MCM9: variants seen among roughly 807,000 people sequenced by gnomAD.
The protein encoded by MCM9 is DNA helicase MCM9.
A neutral mutation model predicts 72.8 loss-of-function variants in MCM9; 55 were observed. The observed-to-expected ratio is 0.76, with a 90% confidence interval of 0.61 to 0.95. MCM9 has a LOEUF of 0.95. MCM9 is among the 40% of genes least tolerant of loss of function. MCM9 has a pLI of 0.00. For missense variants in MCM9, 1,279 were observed against 1,377.0 expected (o/e 0.93, Z 1.13); for synonymous variants, 480 against 503.4 (o/e 0.95, Z 0.62).
chr6:118,911,813 G>T, intron 7 of MCM9, 44 bp from the exon 8 acceptor site: 2 of 1,476,114 alleles, frequency 1.4e-6, no homozygotes, highest in Non-Finnish European at 1.9e-6. Context: ...TCTATAAAAG[G>T]GTCCATTTGG....
At chr6:118,862,340 C>T (rs533015889) in intron 8 of MCM9, among the ~76,000 whole-genome samples, 232 of 152,350 alleles carry the variant, frequency 1.5e-3, no homozygotes, top group Admixed American at 4.5e-3. Context: ...CCTGGCCACA[C>T]CTCCCACACT....
intron 5 of MCM9, 116 bp from the exon 6 acceptor site, chr6:118,917,877 A>G (rs2114318939): frequency 3.7e-6 from 3 of 808,158 alleles, no homozygotes; most frequent in South Asian, 3.4e-5. Context: ...AGTTTACAAT[A>G]TGTACACTCA....
At chr6:118,916,036 A>G (rs1583655782) in intron 6 of MCM9, among the ~76,000 whole-genome samples, 1 of 152,194 alleles carries the variant, frequency 6.6e-6, no homozygotes, top group South Asian at 2.1e-4. Context: ...AGAGTTACAA[A>G]TTTTTATAAG....
chr6:118,934,665 TGGAG>T, intron 1 of MCM9: 1 of 152,210 alleles, frequency 6.6e-6, no homozygotes, highest in Non-Finnish European at 1.5e-5. Context: ...CGCTCGGTTT[TGGAG>T]GCATGCTTTC....
chr6:118,845,218 G>A (rs1413366454), intron 9 of MCM9, among the ~76,000 whole-genome samples: 1 of 151,922 alleles, frequency 6.6e-6, no homozygotes, highest in East Asian at 1.9e-4. Context: ...AAGTACCTGA[G>A]TCATAATAAC....
At chr6:118,864,671 T>G (rs140211332) in intron 8 of MCM9, among the ~76,000 whole-genome samples, 1,663 of 152,304 alleles carry the variant, frequency 0.011, 8 homozygotes, top group Admixed American at 0.015. Context: ...CTTCTTCCTG[T>G]GGAGAAGAGG....
rs1554257163 is a variant in MCM9 at position 118,843,720 on chromosome 6, G to GTATATATATATGTGTA, written c.1325+12650_1325+12651insTACACATATATATATA. Among the ~76,000 whole-genome samples, 59 of 101,974 alleles carry GTATATATATATGTGTA rather than the reference G, an allele frequency of 5.8e-4. 1 individual carries two copies. The highest frequency in any genetic ancestry group is 2.5e-3 in the African/African-American group (55 of 22,442). The allele number at this position is 101,974 out of a possible 152,430, so 66.9% of individuals were successfully genotyped here. A position where few individuals can be genotyped will look rare whatever the true frequency, so the allele number is the denominator to read the frequency against. The stretch of plus-strand genomic sequence containing the variant: ...TATATATATGTATGTATATATATAT[G>GTATATATATATGTGTA]TATATATATATATATATATATGAGA... On this transcript the variant is annotated intron_variant, in intron 9 of 13. Transcript: ENST00000619706.
chr6:118,889,743 A>T (rs923913495), intron 8 of MCM9, among the ~76,000 whole-genome samples: 1 of 152,262 alleles, frequency 6.6e-6, no homozygotes, highest in Non-Finnish European at 1.5e-5. Context: ...ATACACACCA[A>T]GAAACTGTCA....
chr6:118,894,359 A>C, intron 8 of MCM9: 8 of 1,533,150 alleles, frequency 5.2e-6, no homozygotes, highest in Non-Finnish European at 7.0e-6. Flanking sequence ...CGCGCGCTGG[A>C]CTTTATTGTG....
chr6:118,905,895 A>G, intron 8 of MCM9: 3 of 1,181,744 alleles, frequency 2.5e-6, no homozygotes, highest in South Asian at 1.6e-5. Flanking sequence ...TGCTATTGCA[A>G]TTTCATAGTA....
At chr6:118,911,319 T>TC (rs1780528616) in intron 8 of MCM9, 1 of 1,036,338 alleles carries the variant, frequency 9.6e-7, no homozygotes, top group Non-Finnish European at 1.2e-6. Context: ...AAGTGAAATA[T>TC]CCCCCTCTTT....
At position 118,814,274 on chromosome 6, in the gene MCM9, C is replaced by T. The variant is rs1479456759; in HGVS notation, c.*550G>A. The T allele has an allele frequency of 6.6e-6, 1 of 151,632 alleles. No homozygotes were observed. The highest frequency in any genetic ancestry group is 1.9e-4 in the East Asian group (1 of 5,182). 9.4% of individuals were successfully genotyped at this position (151,632 alleles called of 1,614,324 possible). ...CTCAAAGAAAGAAAAGCATTAGTCACATTTAACCTGATCCACACAAATCAA... is the reference window on the plus strand; with the variant it reads ...CTCAAAGAAAGAAAAGCATTAGTCATATTTAACCTGATCCACACAAATCAA... On this transcript the variant is annotated 3_prime_UTR_variant, in exon 14 of 14. Transcript: ENST00000619706.
intron 9 of MCM9, among the ~76,000 whole-genome samples, chr6:118,844,418 C>G (rs1485869489): frequency 2.0e-5 from 3 of 151,338 alleles, no homozygotes; most frequent in Non-Finnish European, 2.9e-5. Context: ...TGGTTCCCAC[C>G]ACCAAACAGA....
chr6:118,869,612 A>AAAAAAAAAAAAAAAAAAAAC (rs1264251728), intron 8 of MCM9, among the ~76,000 whole-genome samples: 1 of 149,900 alleles, frequency 6.7e-6, no homozygotes, highest in African/African-American at 2.4e-5. Context: ...AAAAAAAAAA[A>AAAAAAAAAAAAAAAAAAAAC]AAAAAAAGAA....
Position 118,829,265 on chromosome 6 carries a change from A to G in MCM9, c.1326-15T>C. 1.3e-6 allele frequency: 2 copies of G among 1,534,418 alleles called. No individual in the cohort carries two copies. Among genetic ancestry groups the G allele is most frequent in the Non-Finnish European group, 1.8e-6 (2 of 1,134,890 alleles). ...TGCACACGAGGCTGCCAGGAGAGAC[A>G]GTACAATTCACTGATTGTGAGGTTC... On this transcript the variant is annotated splice_polypyrimidine_tract_variant and intron_variant, in intron 9 of 13. Coordinates refer to ENST00000619706, the MANE Select transcript of MCM9 (RefSeq NM_017696.3).
intron 9 of MCM9, among the ~76,000 whole-genome samples, chr6:118,833,125 G>A (rs1230779924): frequency 6.6e-6 from 1 of 152,134 alleles, no homozygotes; most frequent in African/African-American, 2.4e-5. Flanking sequence ...GAAGGAGCTT[G>A]GGCCCGGAAT....
chr6:118,921,348 T>G (rs2114354089), intron 5 of MCM9: 1 of 152,352 alleles, frequency 6.6e-6, no homozygotes, highest in African/African-American at 2.4e-5. Flanking sequence ...TATTTCTATG[T>G]GACAGTCTTC....
At chr6:118,926,293 A>G (rs1781888443) in intron 3 of MCM9, among the ~76,000 whole-genome samples, 1 of 152,230 alleles carries the variant, frequency 6.6e-6, no homozygotes, top group Non-Finnish European at 1.5e-5. Flanking sequence ...TAGCCTACCT[A>G]GCCTACCTTG....
rs1777888839 is a variant in MCM9, at chr6:118,875,660, A to T, written c.1151-19115T>A. ...CAAAAAAATAATAATAATAATTAAA[A>T]TAATAATAATAATAATAATAATGAC... On this transcript the variant is annotated intron_variant, in intron 8 of 13. Transcript: ENST00000619706. 2.2e-3 allele frequency among the ~76,000 whole-genome samples: 7 copies of T among 3,192 alleles called. No homozygotes were observed. In the South Asian group the frequency reaches 0.14, roughly 65 times the overall value. The allele number at this position is 3,192 out of a possible 152,430, so 2.1% of individuals were successfully genotyped here.
Sources: allele counts gnomAD v4.1 joint callset (sites outside exome capture counted in the v4.1 genomes callset), GRCh38; gene constraint gnomAD v4.1.1; transcripts MANE v1.5; gene names NCBI Gene and HGNC (gene_info 2026-07-23, HGNC 2026-07-21).